Variants in GABRA2 observed in about 807,000 individuals in gnomAD.
The protein encoded by GABRA2 is gamma-aminobutyric acid receptor subunit alpha-2.
Under a neutral mutation model 48.7 loss-of-function variants are expected in GABRA2, and 16 were observed. That is an observed-to-expected ratio of 0.33 (90% CI 0.22 to 0.50). GABRA2 has a LOEUF of 0.50. Among genes scored for constraint, GABRA2 ranks in the 20% least tolerant of loss-of-function variants. The probability of loss-of-function intolerance (pLI) is 0.98; values close to 1 mark genes in which losing one functional copy is unlikely to be tolerated. For synonymous variants in GABRA2, 185 were observed against 184.5 expected (o/e 1.00, Z -0.02); for missense variants, 275 against 535.6 (o/e 0.51, Z 4.80).
At chr4:46,324,238 A>G (rs973548220) in intron 4 of GABRA2, among the ~76,000 whole-genome samples, 6 of 151,882 alleles carry the variant, frequency 4.0e-5, no homozygotes, top group African/African-American at 1.4e-4. Flanking sequence ...TTCCCTCCCT[A>G]CTTTTGTAAT....
intron 3 of GABRA2, chr4:46,364,020 G>T (rs1350644222): frequency 1.3e-5 from 2 of 152,132 alleles, no homozygotes; most frequent in Non-Finnish European, 2.9e-5. Flanking sequence ...AAGATATTTT[G>T]TAGGTAAAGT....
intron 8 of GABRA2, among the ~76,000 whole-genome samples, chr4:46,268,516 G>T (rs906441508): frequency 7.2e-5 from 11 of 151,914 alleles, no homozygotes; most frequent in Admixed American, 6.6e-4. Context: ...TTTTAGAATG[G>T]CTGTTATCAA....
rs1188734644 is a variant in GABRA2 at position 46,305,701 on chromosome 4, T to G, written c.570A>C (p.Thr190=). The G allele has an allele frequency of 6.2e-7, 1 of 1,609,720 alleles. No homozygotes were observed. The highest frequency in any genetic ancestry group is 1.7e-5 in the Admixed American group (1 of 59,642). ...TCCAAATATAAGTGACCTCTGAAGT[T>G]GTATATGCATCTATAGGAAATCAGA... The part of the protein sequence containing the change: ...CPLKFGSYAY[T]TSEVTYIWTY... Residue 190 remains threonine, a synonymous_variant, in exon 7 of 10, where the codon ACA becomes ACC. Transcript: ENST00000381620.
At chr4:46,310,074 C>T (rs1727377744) in intron 6 of GABRA2, 99 bp downstream of exon 6, 1 of 766,924 alleles carries the variant, frequency 1.3e-6, no homozygotes, top group Non-Finnish European at 2.2e-6. Flanking sequence ...AATTGTCAAT[C>T]ATCTCATAAT....
At position 46,390,042 on chromosome 4, in the gene GABRA2, C is replaced by T. The variant is rs1419514204; in HGVS notation, c.-318G>A. ...AAGAGGAGGAGGGGGAAAACGATGA[C>T]AGGAGCTGGGGCCGGGGGGGGAAAT... On this transcript the variant is annotated 5_prime_UTR_variant, in exon 1 of 10. Coordinates refer to ENST00000381620, the MANE Select transcript of GABRA2 (RefSeq NM_000807.4). 1 of 796,742 alleles carries T rather than the reference C, an allele frequency of 1.3e-6. No homozygotes were observed. The highest frequency in any genetic ancestry group is 1.4e-6 in the Non-Finnish European group (1 of 694,612). The allele number at this position is 796,742 out of a possible 1,614,324, so 49.4% of individuals were successfully genotyped here.
chr4:46,276,757 T>A (rs985366850), intron 8 of GABRA2, among the ~76,000 whole-genome samples: 2 of 152,130 alleles, frequency 1.3e-5, no homozygotes, highest in Non-Finnish European at 2.9e-5. Context: ...TGTCTCAATG[T>A]TTTTGTCTGG....
Position 46,388,726 on chromosome 4 carries a change from GC to G in GABRA2, c.-10-11del. 1 of 1,613,436 alleles carries G rather than the reference GC, an allele frequency of 6.2e-7. No homozygotes were observed. The highest frequency in any genetic ancestry group is 1.1e-5 in the South Asian group (1 of 90,862). ...CTTCATCACCGCCGCTCTTTACAAA[GC>G]CATGGAATGAAAAACAAAATACACT... On this transcript the variant is annotated splice_polypyrimidine_tract_variant and intron_variant, in intron 1 of 9. Coordinates refer to ENST00000381620, the MANE Select transcript of GABRA2 (RefSeq NM_000807.4).
intron 8 of GABRA2, among the ~76,000 whole-genome samples, chr4:46,279,111 C>T (rs544112764): frequency 6.6e-6 from 1 of 152,132 alleles, no homozygotes; most frequent in African/African-American, 2.4e-5. Flanking sequence ...CCGTGTTTCC[C>T]ATAAACTTCA....
At chr4:46,322,634 C>A (rs542371687) in intron 4 of GABRA2, among the ~76,000 whole-genome samples, 1 of 152,158 alleles carries the variant, frequency 6.6e-6, no homozygotes. Context: ...GAACAAGAAT[C>A]GTGACCACCT....
At chr4:46,293,323 C>A (rs546303196) in intron 8 of GABRA2, among the ~76,000 whole-genome samples, 1 of 152,314 alleles carries the variant, frequency 6.6e-6, no homozygotes, top group Admixed American at 6.5e-5. Context: ...CACCACACTA[C>A]CGACAATTCA....
At chr4:46,254,890 A>G (rs1715502542) in intron 9 of GABRA2, among the ~76,000 whole-genome samples, 1 of 151,428 alleles carries the variant, frequency 6.6e-6, no homozygotes, top group African/African-American at 2.4e-5. Flanking sequence ...GTACCCCCTA[A>G]TCTGTGACTG....
At chr4:46,316,731 A>G (rs1212619704) in intron 4 of GABRA2, among the ~76,000 whole-genome samples, 1 of 151,934 alleles carries the variant, frequency 6.6e-6, no homozygotes, top group Non-Finnish European at 1.5e-5. Flanking sequence ...GTAATAAATA[A>G]TATATGTTCA....
rs552828560 is a variant in GABRA2, at chr4:46,257,605, G to T, written c.1059+4321C>A. 5.3e-5 allele frequency among the ~76,000 whole-genome samples: 8 copies of T among 151,670 alleles called. 1 individual carries two copies. In the South Asian group the frequency reaches 1.7e-3, roughly 32 times the overall value. On this transcript the variant is annotated intron_variant, in intron 9 of 9. Coordinates refer to ENST00000381620, the MANE Select transcript of GABRA2 (RefSeq NM_000807.4). ...ATTCATTATAGAAACAAACATAAGA[G>T]AAAACTATATACTTGGACCATATTA...
chr4:46,312,722 A>G lies in GABRA2; in HGVS notation c.256-6T>C, dbSNP rs748254534. 41 of 1,419,024 alleles carry G rather than the reference A, an allele frequency of 2.9e-5. No individual in the cohort carries two copies. Among genetic ancestry groups the G allele is most frequent in the Admixed American group, 2.9e-4 (12 of 41,546 alleles). The allele number at this position is 1,419,024 out of a possible 1,614,324, so 87.9% of individuals were successfully genotyped here. On this transcript the variant is annotated splice_polypyrimidine_tract_variant and splice_region_variant and intron_variant, in intron 4 of 9. Transcript: ENST00000381620. The stretch of plus-strand genomic sequence containing the variant: ...AAAACATCAATTGTATATTCCTGAA[A>G]TAAAAAATAGAATTTTTTTGAAAAT...
intron 2 of GABRA2, chr4:46,386,584 G>A (rs979934576): frequency 7.6e-5 from 12 of 157,280 alleles, no homozygotes; most frequent in South Asian, 2.0e-4. Flanking sequence ...TGAAATAACC[G>A]TTTTCAATAT....
intron 4 of GABRA2, among the ~76,000 whole-genome samples, chr4:46,324,341 T>A (rs1159610063): frequency 6.6e-6 from 1 of 151,968 alleles, no homozygotes; most frequent in Non-Finnish European, 1.5e-5. Flanking sequence ...AGACTTTTGA[T>A]GTCTGTCAAC....
intron 7 of GABRA2, among the ~76,000 whole-genome samples, chr4:46,305,282 A>C (rs1346846204): frequency 1.2e-5 from 1 of 80,876 alleles, no homozygotes; most frequent in Admixed American, 1.6e-4. Flanking sequence ...GGGAGGGGGG[A>C]GGGATAGCAT....
chr4:46,325,983 G>C (rs983678708), intron 4 of GABRA2, among the ~76,000 whole-genome samples: 6 of 151,806 alleles, frequency 4.0e-5, no homozygotes, highest in Admixed American at 3.3e-4. Context: ...GCCTTGTAGG[G>C]TAGTTTGAAT....
intron 3 of GABRA2, chr4:46,367,298 T>A (rs1386635177): frequency 6.6e-6 from 1 of 152,142 alleles, no homozygotes; most frequent in Non-Finnish European, 1.5e-5. Flanking sequence ...AAAGCACAGA[T>A]ATGTCTGTTT....
Sources: gnomAD v4.1 joint callset for allele counts (sites outside exome capture counted in the v4.1 genomes callset) on GRCh38, gnomAD v4.1.1 for gene constraint, MANE v1.5 for transcripts, NCBI Gene and HGNC (gene_info 2026-07-23, HGNC 2026-07-21) for gene names.